The following USP49 variants were observed in gnomAD, a reference collection of about 807,000 sequenced individuals.
USP49 encodes ubiquitin specific peptidase 49, also known as ubiquitin carboxyl-terminal hydrolase 49.
Under a neutral mutation model 58.6 loss-of-function variants are expected in USP49, and 24 were observed. That is an observed-to-expected ratio of 0.41 (90% CI 0.30 to 0.58). USP49 has a LOEUF of 0.58. Ranked by LOEUF, USP49 falls within the 20% of genes least tolerant of loss-of-function variation. The pLI is 0.30. For synonymous variants in USP49, 408 were observed against 365.1 expected, an observed-to-expected ratio of 1.12 and a Z score of -1.34; for missense variants, 703 against 866.1, an observed-to-expected ratio of 0.81 and a Z score of 2.36.
intron 2 of USP49, among the ~76,000 whole-genome samples, chr6:41,874,759 T>C (rs982874209): frequency 6.6e-6 from 1 of 152,148 alleles, no homozygotes; most frequent in African/African-American, 2.4e-5. Context: ...GCCCAGGAGT[T>C]TGAGACCAGC....
rs1239154801 is a variant in USP49 at position 41,799,827 on chromosome 6, C to T, written c.1670+3G>A. On this transcript the variant is annotated splice_donor_region_variant and intron_variant, in intron 6 of 7. Transcript: ENST00000682992. ...CCAGCTGGGACTCCCACAGCAAGCT[C>T]ACCTGAATCTTTTAAGGTGCAGCCG... The T allele has an allele frequency of 6.2e-7, 1 of 1,613,600 alleles. No homozygotes were observed.
rs778549719 is a variant in USP49 at position 41,805,972 on chromosome 6, T to C, written c.1012A>G (p.Ile338Val). 11 of 1,613,746 alleles carry C rather than the reference T, an allele frequency of 6.8e-6. No homozygotes were observed. Among genetic ancestry groups the C allele is most frequent in the African/African-American group, 1.3e-5 (1 of 74,916 alleles). ...EGFCWNGRAS[I>V]SRSLELIQNK... is the part of the protein sequence containing the mutation. ...TGGATGAGCTCCAGACTCCGACTAA[T>C]GGAGGCCCTGCCGTTCCAGCAGAAG... is the stretch of plus-strand genomic sequence containing the variant. The change falls in exon 4 of 8, where the codon ATT becomes GTT. Residue 338 changes from isoleucine to valine, a missense_variant. By Grantham distance (29) the Ile-to-Val change is conservative. This residue lies in a region of USP49 where 97 missense variants were observed against 88.0 expected (regional missense o/e 1.10). Coordinates refer to ENST00000682992, the MANE Select transcript of USP49 (RefSeq NM_001286554.2).
rs374905935 is a variant in USP49 at position 41,881,545 on chromosome 6, A to T, written c.-102-9908T>A. 5.3e-5 allele frequency among the ~76,000 whole-genome samples: 8 copies of T among 152,226 alleles called. No homozygotes were observed. In the South Asian group the frequency reaches 1.7e-3, roughly 32 times the overall value. ...GGAAAAAGAAACTAAAGGAAAAAAA[A>T]GTCTAAGTTTCAAGGCAAAACAAAA... On this transcript the variant is annotated intron_variant, in intron 2 of 7. Transcript: ENST00000682992.
chr6:41,844,824 T>C (rs1371753954), intron 3 of USP49, among the ~76,000 whole-genome samples: 1 of 152,144 alleles, frequency 6.6e-6, no homozygotes, highest in Non-Finnish European at 1.5e-5. Context: ...CGTGAGTGGG[T>C]TTATGCTTGC....
intron 3 of USP49, among the ~76,000 whole-genome samples, chr6:41,836,967 A>G (rs778940962): frequency 1.6e-4 from 25 of 152,198 alleles, no homozygotes; most frequent in Non-Finnish European, 2.6e-4. Context: ...CAGAGATGAC[A>G]CAAATGGAAA....
At chr6:41,833,547 T>C (rs115789084) in intron 3 of USP49, among the ~76,000 whole-genome samples, 186 of 152,364 alleles carry the variant, frequency 1.2e-3, no homozygotes, top group Non-Finnish European at 1.9e-3. Flanking sequence ...ACTTCTTCCA[T>C]ACTCGAACAA....
rs78504724 is a variant in USP49, at chr6:41,832,172, T to G, written c.-28-25161A>C. On this transcript the variant is annotated intron_variant, in intron 3 of 7. Coordinates refer to ENST00000682992, the MANE Select transcript of USP49 (RefSeq NM_001286554.2). Reference sequence around the variant, plus strand: ...GCTCTTGATATAAAGAACTAAGAACTTGACCCCAAATCTTTCCTGGGCATC... The same window carrying G: ...GCTCTTGATATAAAGAACTAAGAACGTGACCCCAAATCTTTCCTGGGCATC... 9.8e-3 allele frequency among the ~76,000 whole-genome samples: 1,486 copies of G among 152,304 alleles called. 20 individuals carry two copies. Among genetic ancestry groups the G allele is most frequent in the African/African-American group, 0.034 (1,425 of 41,564 alleles).
At chr6:41,824,630 T>G (rs1773508136) in intron 3 of USP49, among the ~76,000 whole-genome samples, 1 of 152,056 alleles carries the variant, frequency 6.6e-6, no homozygotes, top group South Asian at 2.1e-4. Flanking sequence ...CGCTTGAACC[T>G]GGGAAGCAGA....
chr6:41,821,934 CT>C (rs1283544353), intron 3 of USP49, among the ~76,000 whole-genome samples: 1 of 152,134 alleles, frequency 6.6e-6, no homozygotes, highest in Non-Finnish European at 1.5e-5. Context: ...CTACATGACG[CT>C]GGTTTTACGA....
rs749675296 is a variant in USP49, at chr6:41,806,129, G to A, written c.855C>T (p.Asp285=). 7.4e-6 allele frequency: 12 copies of A among 1,613,786 alleles called. No individual in the cohort carries two copies. In the Admixed American group the frequency reaches 1.3e-4, roughly 18 times the overall value. Residue 285 remains aspartate (D), a synonymous_variant, in exon 4 of 8, where the codon GAC becomes GAT. Transcript: ENST00000682992. The surrounding 1 kb of genome is among the most constrained non-coding windows in gnomAD (Gnocchi z 5.9). The part of the protein sequence containing the change: ...QKFRECFLNL[D]PSKTEHLFPK... ...GAAACAGATGTTCCGTTTTGGAAGG[G>A]TCAAGGTTGAGGAAACATTCTCGGA...
intron 2 of USP49, among the ~76,000 whole-genome samples, chr6:41,876,073 AC>A (rs1774500065): frequency 6.6e-6 from 1 of 152,204 alleles, no homozygotes; most frequent in South Asian, 2.1e-4. Context: ...AAAATGTCTT[AC>A]GACAAAAAGT....
At chr6:41,854,668 G>C (rs1174585225) in intron 3 of USP49, among the ~76,000 whole-genome samples, 2 of 152,148 alleles carry the variant, frequency 1.3e-5, no homozygotes, top group East Asian at 3.8e-4. Flanking sequence ...GTATATGTGT[G>C]TGTGCATGTA....
chr6:41,796,379 A>C lies in USP49; in HGVS notation c.*154T>G, dbSNP rs1370903740. 1 of 543,814 alleles carries C rather than the reference A, an allele frequency of 1.8e-6. No homozygotes were observed. Among genetic ancestry groups the C allele is most frequent in the African/African-American group, 1.9e-5 (1 of 53,330 alleles). 33.7% of individuals were successfully genotyped at this position (543,814 alleles called of 1,614,324 possible). A position where few individuals can be genotyped will look rare whatever the true frequency, so the allele number is the denominator to read the frequency against. On this transcript the variant is annotated 3_prime_UTR_variant, in exon 8 of 8. Coordinates refer to ENST00000682992, the MANE Select transcript of USP49 (RefSeq NM_001286554.2). ...TCATTCAAAAGAAAGAGACTATAAA[A>C]TTTACGACAGGACACGAATCACCTG...
intron 2 of USP49, among the ~76,000 whole-genome samples, chr6:41,887,613 T>C (rs1029231349): frequency 6.6e-6 from 1 of 152,142 alleles, no homozygotes; most frequent in Non-Finnish European, 1.5e-5. Flanking sequence ...TTAAAACATA[T>C]CTTTAAAACC....
chr6:41,822,189 T>C (rs1310941973), intron 3 of USP49, among the ~76,000 whole-genome samples: 1 of 152,198 alleles, frequency 6.6e-6, no homozygotes, highest in African/African-American at 2.4e-5. Flanking sequence ...AAGAATTGCT[T>C]TCCCAGCTGC....
chr6:41,806,012 T>A lies in USP49; in HGVS notation c.972A>T (p.Ala324=). 6.2e-7 allele frequency: 1 copy of A among 1,613,996 alleles called. No individual in the cohort carries two copies. Among genetic ancestry groups the A allele is most frequent in the Non-Finnish European group, 8.5e-7 (1 of 1,180,032 alleles). The change falls in exon 4 of 8, where the codon GCA becomes GCT. Residue 324 remains alanine, a synonymous_variant. Coordinates refer to ENST00000682992, the MANE Select transcript of USP49 (RefSeq NM_001286554.2). This position sits in a 1 kb window ranked among gnomAD's most constrained non-coding sequence, Gnocchi z 5.9. ...TCCAGCAGAAGCCCTCCCGCTCGCA[T>A]GCCTCGGCCCTGTCATTTCTCAAGG... is the stretch of plus-strand genomic sequence containing the variant. ...ELSLRNDRAE[A]CEREGFCWNG...
chr6:41,845,868 C>A (rs1200203204), intron 3 of USP49, among the ~76,000 whole-genome samples: 1 of 151,540 alleles, frequency 6.6e-6, no homozygotes, highest in African/African-American at 2.4e-5. Context: ...AGGATTGTTT[C>A]TTTGGGGATT....
intron 3 of USP49, among the ~76,000 whole-genome samples, chr6:41,813,796 TCTC>T (rs766693482): frequency 1.3e-5 from 2 of 152,086 alleles, no homozygotes; most frequent in African/African-American, 2.4e-5. Context: ...GAAATGGAAA[TCTC>T]CTAAGAGTGA....
At chr6:41,836,003 A>G (rs780288803) in intron 3 of USP49, among the ~76,000 whole-genome samples, 1 of 152,134 alleles carries the variant, frequency 6.6e-6, no homozygotes, top group East Asian at 1.9e-4. Flanking sequence ...ACTTGAGCCC[A>G]GGAGTTCCAG....
Sources: allele counts gnomAD v4.1 joint callset (sites outside exome capture counted in the v4.1 genomes callset), GRCh38; gene constraint gnomAD v4.1.1; regional missense constraint gnomAD v4.1.1; non-coding constraint Gnocchi (gnomAD v3.1); transcripts MANE v1.5; gene names NCBI Gene and HGNC (gene_info 2026-07-23, HGNC 2026-07-21).